Variants in CPS1 observed in about 807,000 individuals in gnomAD.
CPS1 encodes the protein carbamoyl-phosphate synthase 1, also known as carbamoyl-phosphate synthase [ammonia], mitochondrial.
CPS1 carries 109 observed loss-of-function variants against 174.6 expected under a neutral mutation model. The observed-to-expected ratio is 0.62, with a 90% CI of 0.53 to 0.73. The LOEUF (loss-of-function observed/expected upper bound fraction) is 0.73, where lower values mean the gene tolerates loss of function less well. CPS1 is among the 30% of genes least tolerant of loss of function. The pLI is 0.00. For missense variants in CPS1, 1,689 were observed against 1,821.9 expected, an observed-to-expected ratio of 0.93 and a Z score of 1.33; for synonymous variants, 637 against 632.0, an observed-to-expected ratio of 1.01 and a Z score of -0.12.
intron 1 of CPS1, chr2:210,519,921 G>C: frequency 3.1e-6 from 1 of 318,648 alleles, no homozygotes; most frequent in Non-Finnish European, 4.5e-6. Context: ...TGTGGTAGCT[G>C]TGGTTTTCTC....
rs543290411 is a variant in CPS1 at position 210,512,769 on chromosome 2, T to G, written c.3+35003T>G. Among the ~76,000 whole-genome samples the G allele has an allele frequency of 2.2e-3, 89 of 41,142 alleles. 3 individuals carry two copies. Among genetic ancestry groups the G allele is most frequent in the African/African-American group, 8.1e-3 (68 of 8,364 alleles). 27.0% of individuals were successfully genotyped at this position (41,142 alleles called of 152,430 possible). A position where few individuals can be genotyped will look rare whatever the true frequency, so the allele number is the denominator to read the frequency against. On this transcript the variant is annotated intron_variant, in intron 1 of 38. Transcript: ENST00000430249. ...ATATATATATATATATATATATATA[T>G]ATATATATATATATATGGAGAGAGA... is the stretch of plus-strand genomic sequence containing the variant.
intron 21 of CPS1, chr2:210,617,590 T>C (rs950983181): frequency 1.3e-5 from 2 of 152,032 alleles, no homozygotes; most frequent in African/African-American, 2.4e-5. Flanking sequence ...CTTGCTTTTC[T>C]TTTTGAGAAA....
At chr2:210,665,688 G>A (rs1701073152) in intron 33 of CPS1, among the ~76,000 whole-genome samples, 1 of 151,390 alleles carries the variant, frequency 6.6e-6, no homozygotes, top group Non-Finnish European at 1.5e-5. Context: ...GTATTCCATG[G>A]TATATATGTG....
intron 6 of CPS1, among the ~76,000 whole-genome samples, chr2:210,584,758 A>G (rs1347659882): frequency 1.3e-5 from 2 of 152,064 alleles, no homozygotes; most frequent in African/African-American, 2.4e-5. Context: ...GGCTAACCTC[A>G]TGCTATTTTT....
chr2:210,602,212 C>G lies in CPS1; in HGVS notation c.1718C>G (p.Ala573Gly). 3.1e-6 allele frequency: 5 copies of G among 1,612,250 alleles called. No homozygotes were observed. The highest frequency in any genetic ancestry group is 4.2e-6 in the Non-Finnish European group (5 of 1,178,982). The stretch of plus-strand genomic sequence containing the variant: ...TGTTCTTGTTGACAGATTGAGGATG[C>G]ACTGAAGGCAGCAGACACCATTGGC... ...PSFAVESIED[A>G]LKAADTIGYP... Residue 573 changes from alanine (A) to glycine (G), a missense_variant, in exon 16 of 38, where the codon GCA becomes GGA. Coordinates refer to ENST00000233072, the MANE Select transcript of CPS1 (RefSeq NM_001875.5).
chr2:210,477,946 A>G (rs1694444061), intron 1 of CPS1, among the ~76,000 whole-genome samples: 1 of 152,336 alleles, frequency 6.6e-6, no homozygotes, highest in Admixed American at 6.5e-5. Context: ...TTGTTAAGCA[A>G]GGCAGGATGG....
chr2:210,648,110 A>C, intron 26 of CPS1, 53 bp downstream of exon 26: 1 of 1,550,950 alleles, frequency 6.4e-7, no homozygotes, highest in Non-Finnish European at 8.9e-7. Flanking sequence ...AAGAGCTGCA[A>C]CCTGAATGTT....
intron 17 of CPS1, among the ~76,000 whole-genome samples, chr2:210,606,347 G>A (rs2371002): frequency 0.65 from 99,102 of 151,622 alleles, 33,778 homozygotes; most frequent in African/African-American, 0.86. Context: ...CTATGATGAG[G>A]GAAGTGAAGA....
At chr2:210,647,835 T>A in intron 25 of CPS1, 28 bp from the exon 26 acceptor site, 1 of 1,611,412 alleles carries the variant, frequency 6.2e-7, no homozygotes, top group South Asian at 1.1e-5. Context: ...GTTATTCCAA[T>A]GGCTGATATT....
chr2:210,631,021 T>G (rs2371004), intron 21 of CPS1, among the ~76,000 whole-genome samples: 933 of 44,884 alleles, frequency 0.021, 10 homozygotes, highest in South Asian at 0.062. Context: ...TTTTGGAGTG[T>G]TTTTTTTTTT....
chr2:210,637,395 T>G (rs1700071347), intron 21 of CPS1, among the ~76,000 whole-genome samples: 1 of 152,122 alleles, frequency 6.6e-6, no homozygotes, highest in Non-Finnish European at 1.5e-5. Flanking sequence ...GGTCTCTGAT[T>G]ATTACTAATG....
At chr2:210,483,833 C>T (rs1694639990) in intron 1 of CPS1, among the ~76,000 whole-genome samples, 1 of 152,114 alleles carries the variant, frequency 6.6e-6, no homozygotes, top group South Asian at 2.1e-4. Flanking sequence ...ACAAGGTTGG[C>T]CTTACCTGGA....
At chr2:210,600,853 A>T (rs1418399783) in intron 15 of CPS1, 141 bp downstream of exon 15, 1 of 971,942 alleles carries the variant, frequency 1.0e-6, no homozygotes, top group African/African-American at 1.6e-5. Flanking sequence ...ATAGTTTAGA[A>T]ATATTGTGTA....
chr2:210,554,362 C>T (rs1045020712), upstream of CPS1, among the ~76,000 whole-genome samples: 2 of 151,428 alleles, frequency 1.3e-5, no homozygotes, highest in South Asian at 4.2e-4. Context: ...CTCTCATGCC[C>T]ACATTTCTCT....
intron 1 of CPS1, among the ~76,000 whole-genome samples, chr2:210,567,073 A>C (rs1043383113): frequency 8.5e-5 from 13 of 152,190 alleles, no homozygotes; most frequent in South Asian, 2.1e-4. Context: ...ATAGGTTATC[A>C]GTAAAGTAAT....
rs913168550 is a variant in CPS1 at position 210,591,724 on chromosome 2, T to A, written c.948-107T>A. The A allele has an allele frequency of 5.6e-6, 7 of 1,259,186 alleles. 1 individual carries two copies. In the South Asian group the frequency reaches 9.4e-5, roughly 17 times the overall value. The allele number at this position is 1,259,186 out of a possible 1,614,324, so 78.0% of individuals were successfully genotyped here. ...AGTGATTTTCACTAAGCAATTGAAATTTTGAATTTTAATAGGCTTTACTTG... is the reference window on the plus strand; with the variant it reads ...AGTGATTTTCACTAAGCAATTGAAAATTTGAATTTTAATAGGCTTTACTTG... On this transcript the variant is annotated intron_variant, in intron 9 of 37. Coordinates refer to ENST00000233072, the MANE Select transcript of CPS1 (RefSeq NM_001875.5).
Position 210,648,000 on chromosome 2 carries a change from A to T in CPS1, c.3279A>T (p.Ser1093=), listed in dbSNP as rs746292921. 1 of 1,614,014 alleles carries T rather than the reference A, an allele frequency of 6.2e-7. No homozygotes were observed. Among genetic ancestry groups the T allele is most frequent in the Non-Finnish European group, 8.5e-7 (1 of 1,179,912 alleles). The change falls in exon 26 of 38, where the codon TCA becomes TCT. Residue 1093 remains serine (S), a synonymous_variant. Coordinates refer to ENST00000233072, the MANE Select transcript of CPS1 (RefSeq NM_001875.5). ...IDRAEDRSIF[S]AVLDELKVAQ... is the part of the protein sequence containing the mutation. ...GGGCTGAGGATCGCTCCATCTTCTC[A>T]GCTGTCTTGGATGAGCTGAAGGTGG... is the stretch of plus-strand genomic sequence containing the variant.
intron 22 of CPS1, 56 bp downstream of exon 22, chr2:210,637,899 C>G: frequency 2.5e-6 from 4 of 1,585,722 alleles, no homozygotes; most frequent in East Asian, 4.5e-5. Flanking sequence ...TGTGGTAAAA[C>G]GTAGGCACCC....
At chr2:210,632,121 T>C (rs1051626601) in intron 21 of CPS1, among the ~76,000 whole-genome samples, 7 of 152,214 alleles carry the variant, frequency 4.6e-5, no homozygotes, top group African/African-American at 1.7e-4. Context: ...AAGGTTTTTA[T>C]TTTCCTTCAG....
Sources: allele counts gnomAD v4.1 joint callset (sites outside exome capture counted in the v4.1 genomes callset), GRCh38; gene constraint gnomAD v4.1.1; transcripts MANE v1.5; gene names NCBI Gene and HGNC (gene_info 2026-07-23, HGNC 2026-07-21).